Variants in ZFP30 observed in about 807,000 individuals in gnomAD.
ZFP30 encodes ZFP30 zinc finger protein, also known as zinc finger protein 30 homolog.
A neutral mutation model predicts 12.3 loss-of-function variants in ZFP30; 16 were observed. The observed-to-expected ratio is 1.30, with a 90% CI of 0.88 to 1.98. The LOEUF (loss-of-function observed/expected upper bound fraction) is 1.98, where lower values mean the gene tolerates loss of function less well. Among genes scored for constraint, ZFP30 ranks in the 30% most tolerant of loss-of-function variants. The probability of loss-of-function intolerance (pLI) is 0.00; values close to 1 mark genes in which losing one functional copy is unlikely to be tolerated. For synonymous variants in ZFP30, 172 were observed against 201.0 expected (o/e 0.86, Z 1.22); for missense variants, 560 against 611.2 (o/e 0.92, Z 0.88).
rs1026592514 is a variant in ZFP30 at position 37,647,971 on chromosome 19, A to G, written c.-77-72T>C. On this transcript the variant is annotated intron_variant, in intron 2 of 5. Transcript: ENST00000684514. ...TTTCCAAATTTTAAAAACTGGTACT[A>G]CTTCTCCATTCCTATATGCAACTCC... The G allele has an allele frequency of 7.5e-6, 6 of 803,150 alleles. No individual in the cohort carries two copies. The African/African-American group carries it at 1.0e-4, about 14-fold the overall frequency. 49.8% of individuals were successfully genotyped at this position (803,150 alleles called of 1,614,324 possible).
At chr19:37,643,759 G>A (rs190012987) in intron 4 of ZFP30, among the ~76,000 whole-genome samples, 1 of 152,080 alleles carries the variant, frequency 6.6e-6, no homozygotes, top group Non-Finnish European at 1.5e-5. Context: ...TGTTCATGAG[G>A]TACTACATTT....
intron 2 of ZFP30, among the ~76,000 whole-genome samples, chr19:37,649,330 C>A (rs1415479290): frequency 1.3e-5 from 2 of 151,426 alleles, no homozygotes; most frequent in Non-Finnish European, 2.9e-5. Context: ...AACTAGAGAG[C>A]ATATTGAAGG....
At position 37,633,685 on chromosome 19, in the gene ZFP30, C is replaced by G. The variant is rs2044270777; in HGVS notation, c.*1296G>C. ...TTTAAAATAATTCATTTTAAACTGG[C>G]TATAATTTCATGGATAATTTGATCT... On this transcript the variant is annotated 3_prime_UTR_variant, in exon 6 of 6. Coordinates refer to ENST00000684514, the MANE Select transcript of ZFP30 (RefSeq NM_001320669.3). 6.6e-6 allele frequency: 1 copy of G among 151,986 alleles called. No individual in the cohort carries two copies. Among genetic ancestry groups the G allele is most frequent in the Non-Finnish European group, 1.5e-5 (1 of 67,986 alleles). The allele number at this position is 151,986 out of a possible 1,614,324, so 9.4% of individuals were successfully genotyped here. A position where few individuals can be genotyped will look rare whatever the true frequency, so the allele number is the denominator to read the frequency against.
chr19:37,645,880 A>G (rs1225535013), intron 3 of ZFP30, among the ~76,000 whole-genome samples: 2 of 152,192 alleles, frequency 1.3e-5, no homozygotes, highest in Non-Finnish European at 2.9e-5. Flanking sequence ...ATCATAATGT[A>G]TCATTAGCAT....
At chr19:37,656,126 C>G (rs1355818394), upstream of ZFP30, 1 of 152,768 alleles carries the variant, frequency 6.5e-6, no homozygotes, top group Non-Finnish European at 1.5e-5. Context: ...GTACCTGGAC[C>G]GAGTGCCTGG....
At chr19:37,639,883 G>C (rs2044401627) in intron 5 of ZFP30, among the ~76,000 whole-genome samples, 1 of 151,984 alleles carries the variant, frequency 6.6e-6, no homozygotes, top group Non-Finnish European at 1.5e-5. Context: ...GCCAGATCAA[G>C]ATCTTGGTAT....
intron 2 of ZFP30, among the ~76,000 whole-genome samples, chr19:37,648,297 T>C (rs2044581593): frequency 6.6e-6 from 1 of 151,852 alleles, no homozygotes; most frequent in African/African-American, 2.4e-5. Flanking sequence ...AAACCAAAAC[T>C]TCCTTCTTGG....
chr19:37,645,210 CT>C (rs1300352685), intron 3 of ZFP30, among the ~76,000 whole-genome samples: 1 of 147,108 alleles, frequency 6.8e-6, no homozygotes, highest in Non-Finnish European at 1.5e-5. Flanking sequence ...GAGACTCCGT[CT>C]CAAAAAAAAA....
intron 5 of ZFP30, among the ~76,000 whole-genome samples, chr19:37,638,916 C>CAG (rs1568381361): frequency 6.6e-6 from 1 of 151,836 alleles, no homozygotes; most frequent in African/African-American, 2.4e-5. Context: ...GGTGTGGTCA[C>CAG]TGTGACAATT....
intron 2 of ZFP30, among the ~76,000 whole-genome samples, chr19:37,653,104 C>T (rs1287729680): frequency 7.5e-6 from 1 of 133,066 alleles, no homozygotes; most frequent in African/African-American, 2.9e-5. Context: ...GCAACAAAAT[C>T]GAAAACTCCG....
chr19:37,643,050 C>T (rs1249537530), intron 5 of ZFP30, among the ~76,000 whole-genome samples: 4 of 105,036 alleles, frequency 3.8e-5, no homozygotes, highest in Non-Finnish European at 5.6e-5. Flanking sequence ...GAGACTCCGT[C>T]TCAAAAAAAA....
chr19:37,648,826 A>G (rs1299331567), intron 2 of ZFP30, among the ~76,000 whole-genome samples: 1 of 152,084 alleles, frequency 6.6e-6, no homozygotes, highest in African/African-American at 2.4e-5. Flanking sequence ...TCTGCTCCTT[A>G]TTTTCCTATT....
chr19:37,635,120 G>C lies in ZFP30; in HGVS notation c.1421C>G (p.Ala474Gly), dbSNP rs142272588. The C allele has an allele frequency of 4.2e-4, 675 of 1,613,538 alleles. 2 individuals carry two copies. The Middle Eastern group carries it at 7.6e-3, about 18-fold the overall frequency. The change falls in exon 6 of 6, where the codon GCC becomes GGC. Residue 474 changes from alanine to glycine, a missense_variant. Transcript: ENST00000684514. Reference sequence around the variant, plus strand: ...AATCAGTGATGAATGAAGTCTAAAGGCCTTTCCACATTCCTTACAGTCATA... The same window carrying C: ...AATCAGTGATGAATGAAGTCTAAAGCCCTTTCCACATTCCTTACAGTCATA... Reference protein sequence around the residue: ...KPYDCKECGKAFRLHSSLIQH... With the variant: ...KPYDCKECGKGFRLHSSLIQH...
intron 5 of ZFP30, among the ~76,000 whole-genome samples, chr19:37,640,272 C>T (rs865919483): frequency 4.6e-5 from 7 of 152,098 alleles, no homozygotes; most frequent in Middle Eastern, 6.8e-3. Flanking sequence ...ACAGAATGGG[C>T]TAGACCTACA....
In ZFP30 at chr19:37,635,844, G is replaced by C. The variant is rs1306698111; in HGVS notation, c.697C>G (p.Gln233Glu). 1 of 1,614,000 alleles carries C rather than the reference G, an allele frequency of 6.2e-7. No homozygotes were observed. The highest frequency in any genetic ancestry group is 1.1e-5 in the South Asian group (1 of 91,074). The stretch of plus-strand genomic sequence containing the variant: ...GGCTTCTCACCAATATGAATTCTCT[G>C]ATGTACTCGAAGGTCTGAGCCACAT... ...FTCGSDLRVH[Q>E]RIHIGEKPYE... The change falls in exon 6 of 6, where the codon CAG (glutamine) becomes GAG (glutamate). Residue 233 changes from glutamine to glutamate, a missense_variant. Physicochemically the swap from Gln to Glu is conservative, Grantham distance 29 (BLOSUM62 2). Transcript: ENST00000684514.
intron 5 of ZFP30, among the ~76,000 whole-genome samples, chr19:37,638,133 A>G (rs1273482472): frequency 6.6e-6 from 1 of 152,174 alleles, no homozygotes; most frequent in African/African-American, 2.4e-5. Flanking sequence ...CATCCTTCCA[A>G]TTGCCTCTTC....
At chr19:37,637,248 A>T (rs2044348787) in intron 5 of ZFP30, among the ~76,000 whole-genome samples, 1 of 143,150 alleles carries the variant, frequency 7.0e-6, no homozygotes. Flanking sequence ...CTTGTTGCCC[A>T]AGCTGGAGTG....
At chr19:37,639,104 C>G (rs2044385542) in intron 5 of ZFP30, among the ~76,000 whole-genome samples, 1 of 152,088 alleles carries the variant, frequency 6.6e-6, no homozygotes, top group African/African-American at 2.4e-5. Flanking sequence ...GTTTCTCTCT[C>G]TCTGTCTCTT....
chr19:37,632,341 G>A lies in ZFP30; in HGVS notation c.*2640C>T, dbSNP rs2044247233. The stretch of plus-strand genomic sequence containing the variant: ...TACACACACACATTACATATATGTA[G>A]TATAGCAACTTATAACTTTAAAAAT... On this transcript the variant is annotated 3_prime_UTR_variant, in exon 6 of 6. Coordinates refer to ENST00000684514, the MANE Select transcript of ZFP30 (RefSeq NM_001320669.3). 6.6e-6 allele frequency: 1 copy of A among 151,864 alleles called. No individual in the cohort carries two copies. The highest frequency in any genetic ancestry group is 1.5e-5 in the Non-Finnish European group (1 of 67,962). 9.4% of individuals were successfully genotyped at this position (151,864 alleles called of 1,614,324 possible).
Sources: allele counts gnomAD v4.1 joint callset (sites outside exome capture counted in the v4.1 genomes callset), GRCh38; gene constraint gnomAD v4.1.1; transcripts MANE v1.5; gene names NCBI Gene and HGNC (gene_info 2026-07-23, HGNC 2026-07-21).